RASGRF2: variants seen among roughly 807,000 people sequenced by gnomAD.
RASGRF2 encodes the protein ras-specific guanine nucleotide-releasing factor 2.
RASGRF2 carries 76 observed loss-of-function variants against 151.0 expected under a neutral mutation model. The ratio of observed to expected loss-of-function variants is 0.50; its 90% CI spans 0.42 to 0.61. RASGRF2 has a LOEUF of 0.61. Among genes scored for constraint, RASGRF2 ranks in the 20% least tolerant of loss-of-function variants. The pLI, the probability that RASGRF2 is intolerant of heterozygous loss-of-function variation, is 0.00. For missense variants in RASGRF2, 1,148 were observed against 1,564.6 expected (o/e 0.73, Z 4.49); for synonymous variants, 504 against 566.5 (o/e 0.89, Z 1.57).
At chr5:80,991,102 C>G (rs1397328961) in intron 1 of RASGRF2, among the ~76,000 whole-genome samples, 2 of 152,134 alleles carry the variant, frequency 1.3e-5, no homozygotes, top group Admixed American at 1.3e-4. Context: ...AGAGCCAGGC[C>G]TCTCAAACCT....
At chr5:81,206,705 C>T (rs898044758) in intron 19 of RASGRF2, 140 bp from the exon 20 acceptor site, 1 of 681,550 alleles carries the variant, frequency 1.5e-6, no homozygotes, top group Non-Finnish European at 2.7e-6. Flanking sequence ...ATCTCCAGCT[C>T]AGCAGTTGGT....
At position 81,158,685 on chromosome 5, in the gene RASGRF2, C is replaced by T. The variant is rs116735776; in HGVS notation, c.2687-21490C>T. 2.9e-3 allele frequency among the ~76,000 whole-genome samples: 439 copies of T among 152,068 alleles called. 2 individuals carry two copies. Among genetic ancestry groups the T allele is most frequent in the Middle Eastern group, 6.8e-3 (2 of 294 alleles). On this transcript the variant is annotated intron_variant, in intron 17 of 26. Coordinates refer to ENST00000265080, the MANE Select transcript of RASGRF2 (RefSeq NM_006909.3). ...AGCTCATCAAAGAAGACAAATGAAA[C>T]ATGAAAAGGTGTCAATGTCGTTAGT... is the stretch of plus-strand genomic sequence containing the variant.
chr5:81,207,001 A>G (rs1269414138), intron 20 of RASGRF2, 96 bp downstream of exon 20: 1 of 1,076,202 alleles, frequency 9.3e-7, no homozygotes, highest in African/African-American at 1.6e-5. Flanking sequence ...GTGTTGTAGT[A>G]TTAGGCCCTC....
In RASGRF2 at chr5:81,219,792, G is replaced by T. The variant is rs1561266178; in HGVS notation, c.3621+14G>T. On this transcript the variant is annotated intron_variant, in intron 26 of 26. Coordinates refer to ENST00000265080, the MANE Select transcript of RASGRF2 (RefSeq NM_006909.3). ...CATCAGCCAAAGGTAATATTATGTG[G>T]CTGTGAAGAAATTAATAAAGAAAAA... The T allele has an allele frequency of 6.4e-7, 1 of 1,574,122 alleles. No individual in the cohort carries two copies. Among genetic ancestry groups the T allele is most frequent in the Non-Finnish European group, 8.7e-7 (1 of 1,149,884 alleles).
At chr5:80,963,802 C>G (rs1027319427) in intron 1 of RASGRF2, among the ~76,000 whole-genome samples, 2 of 152,190 alleles carry the variant, frequency 1.3e-5, no homozygotes, top group Non-Finnish European at 2.9e-5. Context: ...ATCCCCTTGA[C>G]AGTTACAATA....
At chr5:80,984,498 T>G (rs1748415905) in intron 1 of RASGRF2, among the ~76,000 whole-genome samples, 1 of 152,248 alleles carries the variant, frequency 6.6e-6, no homozygotes, top group African/African-American at 2.4e-5. Flanking sequence ...TCCTTTGTGT[T>G]TTCTAGATCC....
intron 1 of RASGRF2, among the ~76,000 whole-genome samples, chr5:81,006,433 G>C (rs1446470445): frequency 6.6e-6 from 1 of 152,180 alleles, no homozygotes. Flanking sequence ...AAGTGCAAAG[G>C]TGTTTCTGAA....
intron 1 of RASGRF2, among the ~76,000 whole-genome samples, chr5:80,996,621 G>T (rs1486960640): frequency 4.7e-5 from 6 of 128,870 alleles, no homozygotes; most frequent in African/African-American, 5.9e-5. Flanking sequence ...TGTCAAAAAA[G>T]TCTCACTTTG....
At chr5:80,974,234 C>G (rs191448532) in intron 1 of RASGRF2, among the ~76,000 whole-genome samples, 266 of 152,340 alleles carry the variant, frequency 1.7e-3, no homozygotes, top group African/African-American at 5.8e-3. Context: ...TTCACATCCA[C>G]AAAGAAGGGT....
At chr5:81,178,484 G>A (rs1279131240) in intron 17 of RASGRF2, among the ~76,000 whole-genome samples, 5 of 152,148 alleles carry the variant, frequency 3.3e-5, no homozygotes, top group Non-Finnish European at 5.9e-5. Context: ...TGGATATTGC[G>A]TATATGGATC....
chr5:81,227,385 A>G lies in RASGRF2; in HGVS notation c.*1615A>G, dbSNP rs529942831. 4 of 152,354 alleles carry G rather than the reference A, an allele frequency of 2.6e-5. No individual in the cohort carries two copies. The highest frequency in any genetic ancestry group is 5.9e-5 in the Non-Finnish European group (4 of 68,040). The allele number at this position is 152,354 out of a possible 1,614,324, so 9.4% of individuals were successfully genotyped here. A position where few individuals can be genotyped will look rare whatever the true frequency, so the allele number is the denominator to read the frequency against. On this transcript the variant is annotated 3_prime_UTR_variant, in exon 27 of 27. Transcript: ENST00000265080. ...TAAGTAAAAGAAAATATAATATTTG[A>G]AGACCATTCCCAAAATATTTTCAAT...
chr5:81,119,250 C>A (rs189651491), intron 15 of RASGRF2, among the ~76,000 whole-genome samples: 3 of 152,324 alleles, frequency 2.0e-5, no homozygotes, highest in East Asian at 1.9e-4. Flanking sequence ...TTTGTGCTAC[C>A]TGAGACTAGG....
chr5:81,221,701 G>A (rs1195740237), intron 26 of RASGRF2, among the ~76,000 whole-genome samples: 2 of 151,994 alleles, frequency 1.3e-5, no homozygotes, highest in African/African-American at 2.4e-5. Context: ...AAGTGGCCGG[G>A]CGCCTTGGCT....
intron 17 of RASGRF2, among the ~76,000 whole-genome samples, chr5:81,171,141 G>T (rs540241173): frequency 2.6e-5 from 4 of 151,832 alleles, no homozygotes; most frequent in Non-Finnish European, 5.9e-5. Context: ...CCACTAATTC[G>T]GTGGCCATCC....
At chr5:80,974,669 T>C (rs914479181) in intron 1 of RASGRF2, among the ~76,000 whole-genome samples, 2 of 126,818 alleles carry the variant, frequency 1.6e-5, no homozygotes, top group African/African-American at 5.7e-5. Flanking sequence ...AGGTGTCCCT[T>C]CCCACCTTGT....
intron 1 of RASGRF2, among the ~76,000 whole-genome samples, chr5:81,029,916 A>G (rs891162502): frequency 6.6e-6 from 1 of 152,208 alleles, no homozygotes; most frequent in Non-Finnish European, 1.5e-5. Context: ...AAAAGATTAG[A>G]TGAATGGCTA....
chr5:81,092,669 G>A (rs1752422762), intron 9 of RASGRF2, 132 bp from the exon 10 acceptor site: 2 of 802,622 alleles, frequency 2.5e-6, no homozygotes, highest in Non-Finnish European at 4.1e-6. Flanking sequence ...AGAGTTACTT[G>A]TTCTGATGAT....
intron 2 of RASGRF2, among the ~76,000 whole-genome samples, chr5:81,047,521 C>T (rs1462081137): frequency 6.6e-6 from 1 of 152,202 alleles, no homozygotes; most frequent in African/African-American, 2.4e-5. Context: ...ATCTCCACCT[C>T]GATTCTCTTC....
intron 1 of RASGRF2, among the ~76,000 whole-genome samples, chr5:80,970,148 G>A (rs924803573): frequency 6.6e-6 from 1 of 152,168 alleles, no homozygotes; most frequent in Non-Finnish European, 1.5e-5. Flanking sequence ...CAGTGAGAAT[G>A]TCATCCATGA....
Sources: gnomAD v4.1 joint callset for allele counts (sites outside exome capture counted in the v4.1 genomes callset) on GRCh38, gnomAD v4.1.1 for gene constraint, MANE v1.5 for transcripts, NCBI Gene and HGNC (gene_info 2026-07-23, HGNC 2026-07-21) for gene names.